RPGRIP1L: variants seen among roughly 807,000 people sequenced by gnomAD.
The protein encoded by RPGRIP1L is protein fantom.
Under a neutral mutation model 160.4 loss-of-function variants are expected in RPGRIP1L, and 131 were observed. The ratio of observed to expected loss-of-function variants is 0.82; its 90% CI spans 0.71 to 0.94. RPGRIP1L has a LOEUF of 0.94. RPGRIP1L is among the 40% of genes least tolerant of loss of function. The pLI is 0.00. For missense variants in RPGRIP1L, 1,522 were observed against 1,535.8 expected (o/e 0.99, Z 0.15); for synonymous variants, 510 against 515.8 (o/e 0.99, Z 0.15).
intron 26 of RPGRIP1L, 146 bp downstream of exon 26, chr16:53,605,335 T>C (rs1963608996): frequency 2.3e-6 from 2 of 865,234 alleles, no homozygotes; most frequent in Non-Finnish European, 3.9e-6. Flanking sequence ...ACGCTTCAGC[T>C]TCACCAAAGC....
At position 53,605,496 on chromosome 16, in the gene RPGRIP1L, C is replaced by T. The variant is rs759155342; in HGVS notation, c.3820G>A (p.Glu1274Lys). The part of the protein sequence containing the change: ...DMFQEGRDLI[E>K]QNIDVFDARA... ...TCACCCATACCATCGATATTTTGCT[C>T]AATGAGGTCCCTCCCTTCCTGAAAC... Residue 1274 changes from glutamate (E) to lysine (K), a missense_variant, in exon 26 of 27, where the codon GAG (glutamate) becomes AAG (lysine). Coordinates refer to ENST00000647211, the MANE Select transcript of RPGRIP1L (RefSeq NM_015272.5). The T allele has an allele frequency of 6.2e-7, 1 of 1,614,124 alleles. No individual in the cohort carries two copies. The highest frequency in any genetic ancestry group is 8.5e-7 in the Non-Finnish European group (1 of 1,180,014).
chr16:53,647,306 G>C (rs982253446), intron 16 of RPGRIP1L, among the ~76,000 whole-genome samples: 1 of 152,186 alleles, frequency 6.6e-6, no homozygotes, highest in Non-Finnish European at 1.5e-5. Flanking sequence ...GGGACTTTAA[G>C]GTTACAGGCA....
intron 3 of RPGRIP1L, chr16:53,695,294 C>A: frequency 2.9e-6 from 2 of 694,894 alleles, no homozygotes; most frequent in South Asian, 1.5e-5. Flanking sequence ...CAGCCATCAT[C>A]ATGACTAAAA....
At chr16:53,634,561 G>A (rs1965714492) in intron 22 of RPGRIP1L, among the ~76,000 whole-genome samples, 1 of 152,140 alleles carries the variant, frequency 6.6e-6, no homozygotes, top group Admixed American at 6.5e-5. Flanking sequence ...TTTGGGTCAT[G>A]GGAGCAAATC....
chr16:53,686,040 A>C (rs1050146829), intron 6 of RPGRIP1L, among the ~76,000 whole-genome samples: 11 of 152,200 alleles, frequency 7.2e-5, no homozygotes, highest in Non-Finnish European at 1.3e-4. Context: ...GGAATTTACT[A>C]TCTTTTAAGG....
intron 9 of RPGRIP1L, among the ~76,000 whole-genome samples, chr16:53,668,032 T>G (rs1432239118): frequency 2.0e-5 from 3 of 151,014 alleles, no homozygotes; most frequent in Admixed American, 1.3e-4. Flanking sequence ...CCCTCTAGCC[T>G]GGACAACAGA....
At chr16:53,661,811 T>C (rs952140830) in intron 10 of RPGRIP1L, among the ~76,000 whole-genome samples, 1 of 152,218 alleles carries the variant, frequency 6.6e-6, no homozygotes, top group African/African-American at 2.4e-5. Flanking sequence ...CTCCATTCAC[T>C]GATATTTTTT....
At chr16:53,640,570 A>C (rs1191957153) in intron 19 of RPGRIP1L, among the ~76,000 whole-genome samples, 1 of 152,162 alleles carries the variant, frequency 6.6e-6, no homozygotes, top group Non-Finnish European at 1.5e-5. Flanking sequence ...ATGGTGTCCC[A>C]GAGGCCAAGA....
At chr16:53,622,804 CACA>C (rs1964823623) in intron 22 of RPGRIP1L, among the ~76,000 whole-genome samples, 1 of 38,032 alleles carries the variant, frequency 2.6e-5, no homozygotes, top group African/African-American at 4.2e-5. Flanking sequence ...AAAAACCACA[CACA>C]CACACACACA....
rs909955198 is a variant in RPGRIP1L, at chr16:53,600,119, A to G, written c.*1957T>C. On this transcript the variant is annotated 3_prime_UTR_variant, in exon 27 of 27. Transcript: ENST00000647211. ...AGGGTTATTTAGTTTGGGATGTAAC[A>G]TTTTACAACAATAATACAAACCTCC... 6.6e-6 allele frequency: 1 copy of G among 152,596 alleles called. No homozygotes were observed. Among genetic ancestry groups the G allele is most frequent in the Non-Finnish European group, 1.5e-5 (1 of 68,036 alleles). 9.5% of individuals were successfully genotyped at this position (152,596 alleles called of 1,614,324 possible). A position where few individuals can be genotyped will look rare whatever the true frequency, so the allele number is the denominator to read the frequency against.
rs569683763 is a variant in RPGRIP1L at position 53,611,957 on chromosome 16, G to A, written c.3617-906C>T. On this transcript the variant is annotated intron_variant, in intron 24 of 26. Transcript: ENST00000647211. The stretch of plus-strand genomic sequence containing the variant: ...GCATGCAATGGGTGAAAGATATCAC[G>A]ATAGTTCTAAAGCCAGTTCTCCTTA... 2.5e-4 allele frequency among the ~76,000 whole-genome samples: 38 copies of A among 152,276 alleles called. No individual in the cohort carries two copies. The South Asian group carries it at 6.6e-3, about 27-fold the overall frequency.
chr16:53,662,228 C>T (rs1274615210), intron 10 of RPGRIP1L, among the ~76,000 whole-genome samples: 2 of 152,272 alleles, frequency 1.3e-5, no homozygotes, highest in Non-Finnish European at 2.9e-5. Flanking sequence ...CGCCTTTGTG[C>T]TAATATCTTC....
chr16:53,605,760 T>G, intron 25 of RPGRIP1L, 146 bp from the exon 26 acceptor site: 8 of 792,004 alleles, frequency 1.0e-5, no homozygotes, highest in Non-Finnish European at 1.7e-5. Flanking sequence ...CTAGGCTAGA[T>G]AAGTTATTAT....
At chr16:53,695,486 GC>G (rs757890558) in intron 3 of RPGRIP1L, 8 of 700,554 alleles carry the variant, frequency 1.1e-5, no homozygotes, top group Non-Finnish European at 2.1e-5. Context: ...ATACAGACCT[GC>G]TCATGATTAC....
At chr16:53,674,542 T>C (rs1567866639) in intron 7 of RPGRIP1L, among the ~76,000 whole-genome samples, 1 of 152,180 alleles carries the variant, frequency 6.6e-6, no homozygotes, top group African/African-American at 2.4e-5. Context: ...TTTCAGGTAA[T>C]GGTAGTGACC....
At chr16:53,666,566 A>ATGTGTGTG (rs112955038) in intron 9 of RPGRIP1L, among the ~76,000 whole-genome samples, 4,021 of 136,668 alleles carry the variant, frequency 0.029, 194 homozygotes, top group African/African-American at 0.095. Context: ...GAGTACATCT[A>ATGTGTGTG]TGTGTGTGTG....
intron 22 of RPGRIP1L, among the ~76,000 whole-genome samples, chr16:53,625,132 C>T (rs993499920): frequency 6.6e-5 from 10 of 152,184 alleles, no homozygotes; most frequent in South Asian, 2.1e-4. Flanking sequence ...ACCTCCCAGC[C>T]GCCTGCCTTG....
chr16:53,641,186 T>A, intron 18 of RPGRIP1L, 70 bp from the exon 19 acceptor site: 1 of 1,512,930 alleles, frequency 6.6e-7, no homozygotes, highest in Non-Finnish European at 9.1e-7. Context: ...ACTTTAGCTA[T>A]TATTATTATT....
rs986926435 is a variant in RPGRIP1L, at chr16:53,671,649, AC to A, written c.1030-67del. 1.4e-4 allele frequency: 113 copies of A among 795,304 alleles called. No individual in the cohort carries two copies. The African/African-American group carries it at 1.9e-3, about 13-fold the overall frequency. The allele number at this position is 795,304 out of a possible 1,614,324, so 49.3% of individuals were successfully genotyped here. ...TAAAACCACTTGGGGGTAAAAAAAA[AC>A]ATTAAAAAACTCTATATGAGAGAAG... On this transcript the variant is annotated intron_variant, in intron 8 of 26. Transcript: ENST00000647211.
Sources: gnomAD v4.1 joint callset for allele counts (sites outside exome capture counted in the v4.1 genomes callset) on GRCh38, gnomAD v4.1.1 for gene constraint, MANE v1.5 for transcripts, NCBI Gene and HGNC (gene_info 2026-07-23, HGNC 2026-07-21) for gene names.